HACD4: variants seen among roughly 807,000 people sequenced by gnomAD.
HACD4 encodes the protein 3-hydroxyacyl-CoA dehydratase 4.
In HACD4, 35 loss-of-function variants were observed where a neutral mutation model predicts 33.3. That is an observed-to-expected ratio of 1.05 (90% confidence interval 0.80 to 1.39). HACD4 has a LOEUF of 1.39. Among genes scored for constraint, HACD4 ranks in the 40% most tolerant of loss-of-function variants. The pLI is 0.00. For synonymous variants in HACD4, 118 were observed against 98.0 expected (o/e 1.20, Z -1.21); for missense variants, 323 against 276.5 (o/e 1.17, Z -1.19).
rs952986642 is a variant in HACD4 at position 21,015,957 on chromosome 9, G to C, written c.324C>G (p.Val108=). 89 of 1,613,112 alleles carry C rather than the reference G, an allele frequency of 5.5e-5. No homozygotes were observed. Among genetic ancestry groups the C allele is most frequent in the Non-Finnish European group, 7.0e-5 (83 of 1,179,468 alleles). ...LFVVITSQEE[V]QEKYVVCVLF... ...AAACACACACCACATATTTCTCTTG[G>C]ACTTCCTCTTGACTGGTGATCACCA... The change falls in exon 4 of 7, where the codon GTC becomes GTG. Residue 108 remains valine (V), a synonymous_variant. Coordinates refer to ENST00000495827, the MANE Select transcript of HACD4 (RefSeq NM_001010915.5).
chr9:21,008,717 A>T (rs1248269737), intron 5 of HACD4, among the ~76,000 whole-genome samples: 1 of 151,732 alleles, frequency 6.6e-6, no homozygotes, highest in African/African-American at 2.4e-5. Context: ...GGTATCAGGT[A>T]AAAAAAAGAT....
chr9:21,013,066 C>CAA (rs570206944), intron 4 of HACD4, among the ~76,000 whole-genome samples: 1,432 of 68,972 alleles, frequency 0.021, 30 homozygotes, highest in African/African-American at 0.067. Flanking sequence ...GACTCCATCT[C>CAA]AAAAAAAAAA....
intron 3 of HACD4, among the ~76,000 whole-genome samples, chr9:21,024,208 T>C (rs1256400988): frequency 1.3e-5 from 2 of 152,222 alleles, no homozygotes; most frequent in Non-Finnish European, 2.9e-5. Context: ...AAAAGGATGA[T>C]AAATTAATAA....
rs1842198500 is a variant in HACD4, at chr9:21,003,432, T to G, written c.*3605A>C. 6.6e-6 allele frequency: 1 copy of G among 152,142 alleles called. No individual in the cohort carries two copies. Among genetic ancestry groups the G allele is most frequent in the Non-Finnish European group, 1.5e-5 (1 of 68,000 alleles). 9.4% of individuals were successfully genotyped at this position (152,142 alleles called of 1,614,324 possible). A position where few individuals can be genotyped will look rare whatever the true frequency, so the allele number is the denominator to read the frequency against. On this transcript the variant is annotated 3_prime_UTR_variant, in exon 7 of 7. Transcript: ENST00000495827. ...TCACCTAAAATTTGCAAAGGGTTTATGTTCTCCTTGCACACTAAAGCTTTT... is the reference window on the plus strand; with the variant it reads ...TCACCTAAAATTTGCAAAGGGTTTAGGTTCTCCTTGCACACTAAAGCTTTT...
At chr9:21,008,540 T>A (rs1375257803) in intron 5 of HACD4, among the ~76,000 whole-genome samples, 4 of 152,116 alleles carry the variant, frequency 2.6e-5, no homozygotes, top group African/African-American at 9.7e-5. Context: ...GAACACATAT[T>A]AACATTGTGA....
chr9:21,026,679 G>C lies in HACD4; in HGVS notation c.187C>G (p.Leu63Val). The change falls in exon 3 of 7, where the codon CTT (leucine) becomes GTT (valine). Residue 63 changes from leucine to valine, a missense_variant. Leu to Val is a conservative substitution (Grantham distance 32). Transcript: ENST00000495827. ...TFYAIGLVMR[L>V]CQSVSLLELL... ...TCCAGGAGAGATACGGATTGGCAAAGTCGCATCACAAGTCCAATAGCATAA... is the reference window on the plus strand; with the variant it reads ...TCCAGGAGAGATACGGATTGGCAAACTCGCATCACAAGTCCAATAGCATAA... The C allele has an allele frequency of 5.6e-6, 9 of 1,613,272 alleles. No homozygotes were observed. The highest frequency in any genetic ancestry group is 7.6e-6 in the Non-Finnish European group (9 of 1,179,202).
rs1199292966 is a variant in HACD4, at chr9:21,005,807, G to GTGT, written c.*1227_*1229dup. ...TATTACTAAGACTGAAGATCTCATGGTGTTTGCCTTGCTAGGTTTTGGACT... is the reference window on the plus strand; with the variant it reads ...TATTACTAAGACTGAAGATCTCATGGTGTTGTTTGCCTTGCTAGGTTTTGGACT... On this transcript the variant is annotated 3_prime_UTR_variant, in exon 7 of 7. Coordinates refer to ENST00000495827, the MANE Select transcript of HACD4 (RefSeq NM_001010915.5). The surrounding 1 kb of genome is among the most constrained non-coding windows in gnomAD (Gnocchi z 4.0). 1.3e-5 allele frequency: 2 copies of GTGT among 152,252 alleles called. No individual in the cohort carries two copies. Among genetic ancestry groups the GTGT allele is most frequent in the African/African-American group, 4.8e-5 (2 of 41,438 alleles). 9.4% of individuals were successfully genotyped at this position (152,252 alleles called of 1,614,324 possible). A position where few individuals can be genotyped will look rare whatever the true frequency, so the allele number is the denominator to read the frequency against.
Position 21,006,765 on chromosome 9 carries a change from G to T in HACD4, c.*272C>A. The T allele has an allele frequency of 2.6e-6, 1 of 377,666 alleles. No homozygotes were observed. The highest frequency in any genetic ancestry group is 4.8e-6 in the Non-Finnish European group (1 of 206,598). The allele number at this position is 377,666 out of a possible 1,614,324, so 23.4% of individuals were successfully genotyped here. ...CATTAAACTTACAGGAAAATAATCA[G>T]ACTTCATACAATGTAAGTATAACTT... is the stretch of plus-strand genomic sequence containing the variant. On this transcript the variant is annotated 3_prime_UTR_variant, in exon 7 of 7. Coordinates refer to ENST00000495827, the MANE Select transcript of HACD4 (RefSeq NM_001010915.5). This position sits in a 1 kb window ranked among gnomAD's most constrained non-coding sequence, Gnocchi z 4.6.
chr9:21,026,500 G>C, intron 3 of HACD4, 96 bp downstream of exon 3: 1 of 974,994 alleles, frequency 1.0e-6, no homozygotes, highest in South Asian at 1.6e-5. Context: ...TAAGACAAGG[G>C]TTGGCTTTCT....
chr9:21,011,625 A>G lies in HACD4; in HGVS notation c.454T>C (p.Trp152Arg), dbSNP rs1431587201. 6.2e-7 allele frequency: 1 copy of G among 1,610,664 alleles called. No individual in the cohort carries two copies. The highest frequency in any genetic ancestry group is 1.1e-5 in the South Asian group (1 of 90,958). ...ACACACAAAGGATAAATTGGCATCC[A>G]TAGTGTTTGACTGAGCCATGTCAAG... Reference protein sequence around the residue: ...AVLTWLSQTLWMPIYPLCVLA... With the variant: ...AVLTWLSQTLRMPIYPLCVLA... The change falls in exon 5 of 7, where the codon TGG becomes CGG. Residue 152 changes from tryptophan to arginine, a missense_variant. Transcript: ENST00000495827.
At chr9:21,011,730 T>C in intron 4 of HACD4, 35 bp from the exon 5 acceptor site, 1 of 1,109,228 alleles carries the variant, frequency 9.0e-7, no homozygotes, top group Non-Finnish European at 1.3e-6. Context: ...AACATCATTT[T>C]CTGCTAATAT....
At chr9:21,010,321 T>A (rs564687561) in intron 5 of HACD4, among the ~76,000 whole-genome samples, 5 of 152,242 alleles carry the variant, frequency 3.3e-5, no homozygotes, top group African/African-American at 1.2e-4. Flanking sequence ...TGATTTGATC[T>A]TAAGTTTTAG....
rs1056804553 is a variant in HACD4 at position 21,001,062 on chromosome 9, A to G, written c.*5975T>C. The G allele has an allele frequency of 3.3e-5, 5 of 152,130 alleles. No individual in the cohort carries two copies. The highest frequency in any genetic ancestry group is 1.2e-4 in the African/African-American group (5 of 41,462). 9.4% of individuals were successfully genotyped at this position (152,130 alleles called of 1,614,324 possible). On this transcript the variant is annotated 3_prime_UTR_variant, in exon 7 of 7. Coordinates refer to ENST00000495827, the MANE Select transcript of HACD4 (RefSeq NM_001010915.5). ...ATAACAAGGCATACAAAGAAACAGGAAAGTATGTCCCTTTCAAATGAAAAC... is the reference window on the plus strand; with the variant it reads ...ATAACAAGGCATACAAAGAAACAGGGAAGTATGTCCCTTTCAAATGAAAAC...
At chr9:21,023,634 G>C (rs993095540) in intron 3 of HACD4, among the ~76,000 whole-genome samples, 5 of 150,898 alleles carry the variant, frequency 3.3e-5, no homozygotes, top group South Asian at 2.1e-4. Context: ...GAGTGCAGTG[G>C]CCTGATCTCT....
chr9:21,009,235 A>C (rs1191339187), intron 5 of HACD4, among the ~76,000 whole-genome samples: 1 of 152,210 alleles, frequency 6.6e-6, no homozygotes, highest in African/African-American at 2.4e-5. Flanking sequence ...AGAAACACAG[A>C]AAGATAAAAT....
intron 4 of HACD4, among the ~76,000 whole-genome samples, chr9:21,013,213 T>C (rs930348123): frequency 1.5e-4 from 23 of 152,210 alleles, no homozygotes; most frequent in East Asian, 1.9e-4. Flanking sequence ...TTTCCACTTA[T>C]ATGTGAGTGG....
chr9:21,016,951 T>C (rs1244440087), intron 3 of HACD4, among the ~76,000 whole-genome samples: 3 of 152,132 alleles, frequency 2.0e-5, no homozygotes, highest in Non-Finnish European at 2.9e-5. Flanking sequence ...AAAAAATACA[T>C]TCCTTTTTCC....
chr9:21,004,820 T>A lies in HACD4; in HGVS notation c.*2217A>T, dbSNP rs1842231554. The A allele has an allele frequency of 1.3e-5, 2 of 152,180 alleles. No individual in the cohort carries two copies. Among genetic ancestry groups the A allele is most frequent in the Admixed American group, 1.3e-4 (2 of 15,264 alleles). The allele number at this position is 152,180 out of a possible 1,614,324, so 9.4% of individuals were successfully genotyped here. A position where few individuals can be genotyped will look rare whatever the true frequency, so the allele number is the denominator to read the frequency against. On this transcript the variant is annotated 3_prime_UTR_variant, in exon 7 of 7. Transcript: ENST00000495827. The surrounding 1 kb of genome is among the most constrained non-coding windows in gnomAD (Gnocchi z 4.6). ...TTGACGTTAGGTAACAGATAGAAGCTGGAAGAGTTTTGAGGTACTAGAGTA... is the reference window on the plus strand; with the variant it reads ...TTGACGTTAGGTAACAGATAGAAGCAGGAAGAGTTTTGAGGTACTAGAGTA...
intron 3 of HACD4, chr9:21,017,748 T>C (rs1817800117): frequency 6.6e-6 from 1 of 152,152 alleles, no homozygotes; most frequent in Non-Finnish European, 1.5e-5. Context: ...CTCCTCCAGA[T>C]AAAACATTCT....
Sources: allele counts gnomAD v4.1 joint callset (sites outside exome capture counted in the v4.1 genomes callset), GRCh38; gene constraint gnomAD v4.1.1; non-coding constraint Gnocchi (gnomAD v3.1); transcripts MANE v1.5; gene names NCBI Gene and HGNC (gene_info 2026-07-23, HGNC 2026-07-21).